CNTN4: variants seen among roughly 807,000 people sequenced by gnomAD.
The protein encoded by CNTN4 is contactin 4.
Under a neutral mutation model 122.5 loss-of-function variants are expected in CNTN4, and 77 were observed. The observed-to-expected ratio is 0.63, with a 90% confidence interval of 0.52 to 0.76. The LOEUF is 0.76. Among genes scored for constraint, CNTN4 ranks in the 30% least tolerant of loss-of-function variants. The pLI, the probability that CNTN4 is intolerant of heterozygous loss-of-function variation, is 0.00. For missense variants in CNTN4, 1,256 were observed against 1,259.1 expected (o/e 1.00, Z 0.04); for synonymous variants, 512 against 447.0 (o/e 1.15, Z -1.83).
At chr3:2,235,326 A>G (rs1482829378) in intron 2 of CNTN4, among the ~76,000 whole-genome samples, 1 of 152,212 alleles carries the variant, frequency 6.6e-6, no homozygotes, top group East Asian at 1.9e-4. Flanking sequence ...TTAATATCCA[A>G]GTTAACTTTG....
chr3:2,748,741 C>T lies in CNTN4; in HGVS notation c.358+3044C>T, dbSNP rs181150074. The stretch of plus-strand genomic sequence containing the variant: ...CTGCAACATCCAGTCCTACCTGCTC[C>T]GTCTGCATCGTCTTGAGCCTTTCCT... On this transcript the variant is annotated intron_variant, in intron 6 of 24. Coordinates refer to ENST00000418658, the MANE Select transcript of CNTN4 (RefSeq NM_175607.3). Among the ~76,000 whole-genome samples, 68 of 152,308 alleles carry T rather than the reference C, an allele frequency of 4.5e-4. 1 individual carries two copies. Among genetic ancestry groups the T allele is most frequent in the Admixed American group, 3.3e-3 (50 of 15,304 alleles).
intron 4 of CNTN4, among the ~76,000 whole-genome samples, chr3:2,632,231 C>G (rs568943068): frequency 6.6e-6 from 1 of 152,084 alleles, no homozygotes; most frequent in Non-Finnish European, 1.5e-5. Flanking sequence ...CTAGTGCAGT[C>G]GTATCTTATT....
chr3:3,042,953 A>T (rs1700301624), intron 21 of CNTN4, 24 bp from the exon 22 acceptor site: 1 of 1,598,390 alleles, frequency 6.3e-7, no homozygotes. Context: ...ATGGTTTCCA[A>T]GGTCTTTCTG....
intron 3 of CNTN4, among the ~76,000 whole-genome samples, chr3:2,372,450 GCTGA>G (rs2045668010): frequency 2.0e-5 from 3 of 152,188 alleles, no homozygotes; most frequent in Non-Finnish European, 4.4e-5. Flanking sequence ...AGTGCTACAA[GCTGA>G]CTGTCTATGT....
At chr3:2,853,396 G>C (rs532943462) in intron 7 of CNTN4, among the ~76,000 whole-genome samples, 2 of 151,882 alleles carry the variant, frequency 1.3e-5, no homozygotes, top group African/African-American at 2.4e-5. Flanking sequence ...AGGTGCCCAC[G>C]ACCACGCCCA....
At chr3:2,435,595 A>G (rs1284105027) in intron 3 of CNTN4, among the ~76,000 whole-genome samples, 1 of 152,292 alleles carries the variant, frequency 6.6e-6, no homozygotes, top group East Asian at 1.9e-4. Context: ...GTTGACCTGC[A>G]GAACACAGGA....
At chr3:2,784,091 A>C (rs529655670) in intron 6 of CNTN4, among the ~76,000 whole-genome samples, 3 of 152,290 alleles carry the variant, frequency 2.0e-5, no homozygotes, top group African/African-American at 7.2e-5. Flanking sequence ...TACCTGCTGA[A>C]ATTTCTACAT....
At chr3:2,425,974 C>T (rs1486322959) in intron 3 of CNTN4, among the ~76,000 whole-genome samples, 1 of 152,134 alleles carries the variant, frequency 6.6e-6, no homozygotes, top group African/African-American at 2.4e-5. Flanking sequence ...TGGGCTGAGA[C>T]AATGGGATTT....
intron 2 of CNTN4, among the ~76,000 whole-genome samples, chr3:2,314,490 T>G (rs534147099): frequency 2.6e-4 from 40 of 152,056 alleles, no homozygotes; most frequent in Non-Finnish European, 4.7e-4. Context: ...ATGTGGATTA[T>G]ATGAGCATGA....
chr3:2,310,529 T>C (rs2042876535), intron 2 of CNTN4, among the ~76,000 whole-genome samples: 1 of 152,160 alleles, frequency 6.6e-6, no homozygotes, highest in African/African-American at 2.4e-5. Flanking sequence ...TTCCCACTTT[T>C]TCACCTCAGC....
intron 2 of CNTN4, among the ~76,000 whole-genome samples, chr3:2,139,506 C>A (rs539352601): frequency 2.0e-5 from 3 of 152,144 alleles, no homozygotes; most frequent in Non-Finnish European, 4.4e-5. Context: ...TGGCTATGAA[C>A]CCAGCTTTGC....
intron 4 of CNTN4, among the ~76,000 whole-genome samples, chr3:2,591,143 C>G (rs2080452298): frequency 6.6e-6 from 1 of 152,160 alleles, no homozygotes; most frequent in Non-Finnish European, 1.5e-5. Flanking sequence ...ATCTCACCAT[C>G]TAGACTGGAG....
intron 2 of CNTN4, among the ~76,000 whole-genome samples, chr3:2,258,959 A>T (rs917684917): frequency 5.3e-5 from 8 of 152,070 alleles, no homozygotes; most frequent in African/African-American, 1.7e-4. Flanking sequence ...TTTTTCATTT[A>T]TTATTTCATT....
At chr3:2,190,270 C>A (rs9968121) in intron 2 of CNTN4, among the ~76,000 whole-genome samples, 3,779 of 151,210 alleles carry the variant, frequency 0.025, 149 homozygotes, top group African/African-American at 0.087. Context: ...TCAATCTAAG[C>A]AGTTGGGTGG....
At chr3:2,632,064 GCA>G (rs35316929) in intron 4 of CNTN4, among the ~76,000 whole-genome samples, 39 of 143,964 alleles carry the variant, frequency 2.7e-4, no homozygotes, top group African/African-American at 3.0e-4. Context: ...ATACACATAC[GCA>G]CACACACACA....
chr3:2,302,291 G>A (rs1211472063), intron 2 of CNTN4, among the ~76,000 whole-genome samples: 1 of 152,110 alleles, frequency 6.6e-6, no homozygotes, highest in African/African-American at 2.4e-5. Flanking sequence ...TAGCCGGCAT[G>A]GTGGTGCACA....
chr3:2,886,802 T>C (rs2151012182), intron 9 of CNTN4, among the ~76,000 whole-genome samples: 1 of 152,194 alleles, frequency 6.6e-6, no homozygotes, highest in Middle Eastern at 3.4e-3. Context: ...ATGTGAGCCA[T>C]TGCACCCTGC....
intron 3 of CNTN4, among the ~76,000 whole-genome samples, chr3:2,533,727 G>T (rs1457294319): frequency 6.6e-6 from 1 of 151,818 alleles, no homozygotes; most frequent in South Asian, 2.1e-4. Flanking sequence ...TTCCACAATG[G>T]TTGAACTAGC....
In CNTN4 at chr3:2,933,037, T is replaced by C. The variant is rs1228670377; in HGVS notation, c.1358+7258T>C. Among the ~76,000 whole-genome samples the C allele has an allele frequency of 7.2e-5, 11 of 152,182 alleles. No individual in the cohort carries two copies. In the East Asian group the frequency reaches 2.1e-3, roughly 29 times the overall value. On this transcript the variant is annotated intron_variant, in intron 13 of 24. Transcript: ENST00000418658. Reference sequence around the variant, plus strand: ...CGAAGTTTCACCGTGTTAGCCAGGATGGTCTCGATCTCCTGACCTCGTGAT... The same window carrying C: ...CGAAGTTTCACCGTGTTAGCCAGGACGGTCTCGATCTCCTGACCTCGTGAT...
Sources: gnomAD v4.1 joint callset for allele counts (sites outside exome capture counted in the v4.1 genomes callset) on GRCh38, gnomAD v4.1.1 for gene constraint, MANE v1.5 for transcripts, NCBI Gene and HGNC (gene_info 2026-07-23, HGNC 2026-07-21) for gene names.